Variants in DPP10 observed in about 807,000 individuals in gnomAD.
DPP10 encodes the protein dipeptidyl peptidase like 10.
DPP10 carries 33 observed loss-of-function variants against 120.9 expected under a neutral mutation model. That is an observed-to-expected ratio of 0.27 (90% CI 0.21 to 0.37). DPP10 has a LOEUF of 0.37. DPP10 is among the 10% of genes least tolerant of loss of function. The pLI, the probability that DPP10 is intolerant of heterozygous loss-of-function variation, is 1.00. For synonymous variants in DPP10, 337 were observed against 326.1 expected (o/e 1.03, Z -0.36); for missense variants, 816 against 942.8 (o/e 0.87, Z 1.76).
At chr2:114,585,834 A>G (rs767068419) in intron 1 of DPP10, among the ~76,000 whole-genome samples, 2 of 152,238 alleles carry the variant, frequency 1.3e-5, no homozygotes, top group Non-Finnish European at 2.9e-5. Flanking sequence ...ATGTGGGAGC[A>G]ATTTCAGGTT....
At chr2:115,088,291 C>A (rs1421510912) in intron 1 of DPP10, among the ~76,000 whole-genome samples, 10 of 152,112 alleles carry the variant, frequency 6.6e-5, no homozygotes, top group Non-Finnish European at 1.5e-4. Context: ...GGAGGGAACA[C>A]ACTTTGATAG....
intron 1 of DPP10, among the ~76,000 whole-genome samples, chr2:114,583,948 T>C (rs1690740446): frequency 6.6e-6 from 1 of 152,188 alleles, no homozygotes; most frequent in African/African-American, 2.4e-5. Flanking sequence ...AAAATATTTT[T>C]GAAGCAAAAG....
At chr2:115,468,869 A>G in intron 3 of DPP10, 1 of 416,210 alleles carries the variant, frequency 2.4e-6, no homozygotes, top group Non-Finnish European at 4.7e-6. Context: ...AGACTGCCAC[A>G]GAAGACTGGT....
At chr2:115,373,146 G>C (rs1313881435) in intron 3 of DPP10, among the ~76,000 whole-genome samples, 1 of 152,168 alleles carries the variant, frequency 6.6e-6, no homozygotes, top group Non-Finnish European at 1.5e-5. Context: ...AGTAGGAAAA[G>C]TAGAAGCAAT....
chr2:115,339,554 A>G (rs1321368846), intron 2 of DPP10, among the ~76,000 whole-genome samples: 3 of 152,190 alleles, frequency 2.0e-5, no homozygotes, highest in African/African-American at 7.2e-5. Flanking sequence ...AGAAATAACA[A>G]TAACTCAAAT....
intron 5 of DPP10, among the ~76,000 whole-genome samples, chr2:115,630,221 T>C (rs1424090245): frequency 6.6e-6 from 1 of 152,116 alleles, no homozygotes; most frequent in Non-Finnish European, 1.5e-5. Context: ...ATTATTAGTG[T>C]ATAGGAAAGT....
At chr2:115,628,298 G>C (rs542420138) in intron 5 of DPP10, among the ~76,000 whole-genome samples, 9 of 151,860 alleles carry the variant, frequency 5.9e-5, no homozygotes, top group African/African-American at 2.2e-4. Context: ...CATGCTTCTT[G>C]GCCATATAAA....
chr2:115,725,972 A>T (rs1479375907), intron 7 of DPP10, among the ~76,000 whole-genome samples: 1 of 152,186 alleles, frequency 6.6e-6, no homozygotes, highest in Non-Finnish European at 1.5e-5. Flanking sequence ...ACTTCTATCC[A>T]GTGTTAGGGA....
chr2:115,508,410 A>G (rs573305140), intron 4 of DPP10, among the ~76,000 whole-genome samples: 6 of 152,308 alleles, frequency 3.9e-5, no homozygotes, highest in East Asian at 1.9e-4. Context: ...GGATCTCATT[A>G]TGTATTAAGG....
intron 3 of DPP10, among the ~76,000 whole-genome samples, chr2:115,346,900 T>TTCATTGTTTGACTCTGATGTG (rs2063737562): frequency 6.6e-6 from 1 of 152,136 alleles, no homozygotes. Flanking sequence ...CTTGACCTCT[T>TTCATTGTTTGACTCTGATGTG]TCATTGTTTG....
At position 115,791,270 on chromosome 2, in the gene DPP10, T is replaced by C. The variant is rs1415532459; in HGVS notation, c.1631-17T>C. On this transcript the variant is annotated splice_polypyrimidine_tract_variant and intron_variant, in intron 18 of 25. Coordinates refer to ENST00000410059, the MANE Select transcript of DPP10 (RefSeq NM_020868.6). The stretch of plus-strand genomic sequence containing the variant: ...AAATGACTCTCCATCTTTAATATTT[T>C]GCTCTTTCTTTAAAAGAACTTCCTT... 6.2e-7 allele frequency: 1 copy of C among 1,607,716 alleles called. No individual in the cohort carries two copies. The highest frequency in any genetic ancestry group is 8.5e-7 in the Non-Finnish European group (1 of 1,177,884).
chr2:114,633,688 A>G (rs1695112674), intron 1 of DPP10, among the ~76,000 whole-genome samples: 1 of 151,658 alleles, frequency 6.6e-6, no homozygotes, highest in Non-Finnish European at 1.5e-5. Flanking sequence ...ACCTTGGCTC[A>G]CTGCAACCTC....
chr2:115,219,211 T>C (rs895573323), intron 1 of DPP10, among the ~76,000 whole-genome samples: 6 of 152,176 alleles, frequency 3.9e-5, no homozygotes, highest in African/African-American at 1.4e-4. Context: ...TAGGTCTGCA[T>C]TGACCTCTCT....
At chr2:115,526,307 A>G (rs903332175) in intron 5 of DPP10, 2 of 193,736 alleles carry the variant, frequency 1.0e-5, no homozygotes, top group Non-Finnish European at 2.1e-5. Flanking sequence ...TGAGTGTTTC[A>G]TGTGTGTACA....
intron 3 of DPP10, among the ~76,000 whole-genome samples, chr2:115,493,808 C>G (rs925688598): frequency 6.6e-6 from 1 of 152,020 alleles, no homozygotes; most frequent in Non-Finnish European, 1.5e-5. Context: ...TGCAGCTGTA[C>G]TGCAGAAGAT....
chr2:114,935,556 T>C (rs141434911), intron 1 of DPP10, among the ~76,000 whole-genome samples: 3 of 152,318 alleles, frequency 2.0e-5, no homozygotes, highest in African/African-American at 7.2e-5. Context: ...TAGTGTCATT[T>C]AAAGGTGAAT....
At chr2:115,264,758 G>A (rs991793815) in intron 1 of DPP10, among the ~76,000 whole-genome samples, 3 of 152,166 alleles carry the variant, frequency 2.0e-5, no homozygotes, top group Non-Finnish European at 4.4e-5. Context: ...GAAAGATGAT[G>A]CTGTTTCAGT....
At chr2:115,311,117 T>C (rs1003679978) in intron 2 of DPP10, among the ~76,000 whole-genome samples, 2 of 152,196 alleles carry the variant, frequency 1.3e-5, no homozygotes, top group Admixed American at 6.5e-5. Context: ...CCTGCACTTA[T>C]TCATTTGTTA....
At chr2:114,724,879 G>T (rs1375217757) in intron 1 of DPP10, among the ~76,000 whole-genome samples, 1 of 152,230 alleles carries the variant, frequency 6.6e-6, no homozygotes, top group African/African-American at 2.4e-5. Flanking sequence ...TTTAGCAAGA[G>T]TGTGGGGTTT....
Sources: allele counts gnomAD v4.1 joint callset (sites outside exome capture counted in the v4.1 genomes callset), GRCh38; gene constraint gnomAD v4.1.1; transcripts MANE v1.5; gene names NCBI Gene and HGNC (gene_info 2026-07-23, HGNC 2026-07-21).